ENOX1: variants seen among roughly 807,000 people sequenced by gnomAD.
ENOX1 encodes candidate growth-related and time keeping constitutive hydroquinone (NADH) oxidase.
A neutral mutation model predicts 82.5 loss-of-function variants in ENOX1; 42 were observed. That is an observed-to-expected ratio of 0.51 (90% confidence interval 0.40 to 0.66). The LOEUF (loss-of-function observed/expected upper bound fraction) is 0.66, where lower values mean the gene tolerates loss of function less well. ENOX1 is among the 30% of genes least tolerant of loss of function. The probability of loss-of-function intolerance (pLI) is 0.00; values close to 1 mark genes in which losing one functional copy is unlikely to be tolerated. For missense variants in ENOX1, 608 were observed against 811.6 expected (o/e 0.75, Z 3.05); for synonymous variants, 271 against 282.2 (o/e 0.96, Z 0.40).
intron 11 of ENOX1, among the ~76,000 whole-genome samples, chr13:43,317,327 C>G (rs1566496733): frequency 6.6e-6 from 1 of 152,194 alleles, no homozygotes; most frequent in Admixed American, 6.5e-5. Context: ...GCACCCTGGT[C>G]TGGTATTTAG....
intron 11 of ENOX1, among the ~76,000 whole-genome samples, chr13:43,315,622 CA>C (rs1383875621): frequency 6.6e-6 from 1 of 152,176 alleles, no homozygotes; most frequent in African/African-American, 2.4e-5. Context: ...AAGCTGAAAA[CA>C]TATTTTAACA....
At chr13:43,447,315 G>A (rs2153628130) in intron 3 of ENOX1, among the ~76,000 whole-genome samples, 1 of 152,316 alleles carries the variant, frequency 6.6e-6, no homozygotes, top group Non-Finnish European at 1.5e-5. Context: ...GTATGTCGAT[G>A]TCACTTGGTG....
chr13:43,303,184 G>A (rs1478565421), intron 11 of ENOX1, among the ~76,000 whole-genome samples: 1 of 152,194 alleles, frequency 6.6e-6, no homozygotes, highest in African/African-American at 2.4e-5. Flanking sequence ...TGTACCGATA[G>A]CCCCTGAACA....
chr13:43,268,737 G>A (rs2044521833), intron 13 of ENOX1, among the ~76,000 whole-genome samples: 1 of 152,144 alleles, frequency 6.6e-6, no homozygotes, highest in Non-Finnish European at 1.5e-5. Context: ...AGAGGGTTGG[G>A]GTAACTGTAT....
intron 3 of ENOX1, among the ~76,000 whole-genome samples, chr13:43,462,677 G>A (rs949920857): frequency 6.6e-6 from 1 of 152,196 alleles, no homozygotes; most frequent in Non-Finnish European, 1.5e-5. Flanking sequence ...AGCAAATAAA[G>A]TTTATGTTTG....
chr13:43,716,187 G>A (rs2088116645), intron 1 of ENOX1, among the ~76,000 whole-genome samples: 1 of 152,118 alleles, frequency 6.6e-6, no homozygotes, highest in Non-Finnish European at 1.5e-5. Context: ...CATCTTTGTG[G>A]TTTTATCTAC....
Position 43,232,960 on chromosome 13 carries a change from A to C in ENOX1, c.1714+3676T>G, listed in dbSNP as rs577035418. Among the ~76,000 whole-genome samples the C allele has an allele frequency of 5.3e-5, 8 of 152,252 alleles. No homozygotes were observed. The East Asian group carries it at 1.3e-3, about 26-fold the overall frequency. ...TTAGCTTGTCAATAAAAAAAATTTG[A>C]TCCATTTTTCCTTTATAACAATATC... On this transcript the variant is annotated intron_variant, in intron 15 of 16. Coordinates refer to ENST00000690772, the MANE Select transcript of ENOX1 (RefSeq NM_001347969.2).
chr13:43,577,585 T>G (rs949333404), intron 2 of ENOX1, among the ~76,000 whole-genome samples: 21 of 152,054 alleles, frequency 1.4e-4, no homozygotes, highest in Admixed American at 1.3e-3. Context: ...AAAAGAGGAA[T>G]TCCCTCCATC....
chr13:43,579,392 C>T (rs1402724832), intron 2 of ENOX1, among the ~76,000 whole-genome samples: 1 of 152,112 alleles, frequency 6.6e-6, no homozygotes, highest in Admixed American at 6.5e-5. Flanking sequence ...TTAACAGCTC[C>T]CTTTCTACTC....
rs546603768 is a variant in ENOX1, at chr13:43,374,203, TTTCC to T, written c.209-12755_209-12752del. On this transcript the variant is annotated intron_variant, in intron 5 of 16. Coordinates refer to ENST00000690772, the MANE Select transcript of ENOX1 (RefSeq NM_001347969.2). Reference sequence around the variant, plus strand: ...CTTCCTTCCTCCCTCCCTCCCTTTCTTTCCTTCCTTCCTTCCTTCTTAATCTTTC... The same window carrying T: ...CTTCCTTCCTCCCTCCCTCCCTTTCTTTCCTTCCTTCCTTCTTAATCTTTC... 7.2e-4 allele frequency among the ~76,000 whole-genome samples: 109 copies of T among 150,654 alleles called. 1 individual carries two copies. Among genetic ancestry groups the T allele is most frequent in the South Asian group, 3.8e-3 (18 of 4,722 alleles).
chr13:43,757,357 A>C (rs757323894), intron 1 of ENOX1, among the ~76,000 whole-genome samples: 14 of 152,164 alleles, frequency 9.2e-5, no homozygotes, highest in Non-Finnish European at 1.9e-4. Context: ...GCCAGTTCTG[A>C]GACTAGGTCT....
At chr13:43,778,390 A>C (rs558446062) in intron 1 of ENOX1, among the ~76,000 whole-genome samples, 2 of 152,328 alleles carry the variant, frequency 1.3e-5, no homozygotes, top group South Asian at 4.1e-4. Context: ...AAAGCTTGGC[A>C]TTATGACAGA....
chr13:43,615,994 T>C (rs2082392184), intron 2 of ENOX1, among the ~76,000 whole-genome samples: 1 of 149,854 alleles, frequency 6.7e-6, no homozygotes, highest in Non-Finnish European at 1.5e-5. Context: ...AGTCTATCAC[T>C]GATAGGCATT....
intron 1 of ENOX1, among the ~76,000 whole-genome samples, chr13:43,696,704 C>T (rs1272925516): frequency 6.6e-6 from 1 of 151,678 alleles, no homozygotes; most frequent in African/African-American, 2.4e-5. Flanking sequence ...GATGCACGCA[C>T]TTAGACCTTT....
intron 1 of ENOX1, among the ~76,000 whole-genome samples, chr13:43,713,432 T>C (rs1217942037): frequency 6.6e-6 from 1 of 152,158 alleles, no homozygotes; most frequent in Non-Finnish European, 1.5e-5. Flanking sequence ...CCTCATAAAA[T>C]GAGTTAGGGA....
At chr13:43,485,639 C>T (rs1273717618) in intron 2 of ENOX1, among the ~76,000 whole-genome samples, 1 of 152,134 alleles carries the variant, frequency 6.6e-6, no homozygotes, top group South Asian at 2.1e-4. Flanking sequence ...CTTTGCATGA[C>T]AGAAGAAAGG....
intron 2 of ENOX1, among the ~76,000 whole-genome samples, chr13:43,629,011 C>T (rs56060420): frequency 8.5e-4 from 129 of 152,256 alleles, no homozygotes; most frequent in Non-Finnish European, 1.5e-3. Context: ...GGCAGGGGTA[C>T]ATAATTTTTG....
intron 16 of ENOX1, among the ~76,000 whole-genome samples, chr13:43,218,607 C>G (rs549152064): frequency 1.3e-5 from 2 of 152,216 alleles, no homozygotes; most frequent in East Asian, 3.9e-4. Context: ...GCTTGGGTGA[C>G]AGAGTGAGAC....
At chr13:43,652,302 A>G (rs1237381241) in intron 2 of ENOX1, among the ~76,000 whole-genome samples, 1 of 152,188 alleles carries the variant, frequency 6.6e-6, no homozygotes, top group Non-Finnish European at 1.5e-5. Flanking sequence ...TGAGCCCTTG[A>G]CCAGGCTTCA....
Sources: allele counts gnomAD v4.1 joint callset (sites outside exome capture counted in the v4.1 genomes callset), GRCh38; gene constraint gnomAD v4.1.1; transcripts MANE v1.5; gene names NCBI Gene and HGNC (gene_info 2026-07-23, HGNC 2026-07-21).